GPC5: variants seen among roughly 807,000 people sequenced by gnomAD.
GPC5 encodes the protein glypican-5.
A neutral mutation model predicts 53.9 loss-of-function variants in GPC5; 47 were observed. The ratio of observed to expected loss-of-function variants is 0.87; its 90% confidence interval spans 0.69 to 1.11. The LOEUF (loss-of-function observed/expected upper bound fraction) is 1.11. Among genes scored for constraint, GPC5 ranks in the 50% most tolerant of loss-of-function variants. The pLI, the probability that GPC5 is intolerant of heterozygous loss-of-function variation, is 0.00. For missense variants in GPC5, 748 were observed against 713.1 expected (o/e 1.05, Z -0.56); for synonymous variants, 286 against 263.3 (o/e 1.09, Z -0.84).
At chr13:92,717,850 C>T (rs1244421362) in intron 7 of GPC5, among the ~76,000 whole-genome samples, 2 of 151,914 alleles carry the variant, frequency 1.3e-5, no homozygotes, top group African/African-American at 4.8e-5. Context: ...AAAATATTTG[C>T]CAACTATCCA....
chr13:92,539,454 G>T (rs553703927), intron 7 of GPC5, among the ~76,000 whole-genome samples: 2 of 152,002 alleles, frequency 1.3e-5, no homozygotes, highest in South Asian at 4.2e-4. Context: ...GTTTGTTGCC[G>T]CATAAATGTC....
chr13:92,044,426 A>T (rs2040965726), intron 6 of GPC5, among the ~76,000 whole-genome samples: 1 of 152,206 alleles, frequency 6.6e-6, no homozygotes, highest in South Asian at 2.1e-4. Flanking sequence ...CCATAGAATC[A>T]GAAGATGTCA....
chr13:92,276,733 T>G (rs995860288), intron 7 of GPC5, among the ~76,000 whole-genome samples: 2 of 152,134 alleles, frequency 1.3e-5, no homozygotes, highest in Non-Finnish European at 2.9e-5. Context: ...AGCCTTTTAT[T>G]ACTATACAAT....
At chr13:91,732,535 C>T (rs1315477866) in intron 4 of GPC5, among the ~76,000 whole-genome samples, 1 of 152,056 alleles carries the variant, frequency 6.6e-6, no homozygotes, top group Non-Finnish European at 1.5e-5. Flanking sequence ...AATTAGATCC[C>T]ATTTGTCAAT....
chr13:92,691,437 G>A (rs1386796567), intron 7 of GPC5, among the ~76,000 whole-genome samples: 7 of 146,720 alleles, frequency 4.8e-5, no homozygotes, highest in African/African-American at 1.0e-4. Flanking sequence ...CGCACGGTGC[G>A]CACACACACT....
Position 91,586,514 on chromosome 13 carries a change from A to G in GPC5, c.326-106673A>G, listed in dbSNP as rs1194952110. Among the ~76,000 whole-genome samples, 3 of 13,786 alleles carry G rather than the reference A, an allele frequency of 2.2e-4. 1 individual carries two copies. The highest frequency in any genetic ancestry group is 1.4e-3 in the Admixed American group (2 of 1,440). 9.0% of individuals were successfully genotyped at this position (13,786 alleles called of 152,430 possible). A position where few individuals can be genotyped will look rare whatever the true frequency, so the allele number is the denominator to read the frequency against. On this transcript the variant is annotated intron_variant, in intron 2 of 7. Coordinates refer to ENST00000377067, the MANE Select transcript of GPC5 (RefSeq NM_004466.6). ...AAGGCAGCAGGATATATATATATAT[A>G]TATATATATATATATATATATATAT...
chr13:92,270,003 A>G lies in GPC5; in HGVS notation c.1561+125014A>G, dbSNP rs114336458. On this transcript the variant is annotated intron_variant, in intron 7 of 7. Coordinates refer to ENST00000377067, the MANE Select transcript of GPC5 (RefSeq NM_004466.6). ...GATTTTGTCATGTGGAGACCCTTGT[A>G]CTTTTCTGATCCCAGCAAGCTCACA... Among the ~76,000 whole-genome samples the G allele has an allele frequency of 2.3e-3, 348 of 152,166 alleles. 1 individual carries two copies. The highest frequency in any genetic ancestry group is 8.1e-3 in the African/African-American group (335 of 41,530).
intron 7 of GPC5, chr13:92,659,140 G>A (rs1274410626): frequency 2.0e-5 from 3 of 150,722 alleles, no homozygotes; most frequent in Non-Finnish European, 4.4e-5. Flanking sequence ...GTTTTAGCCG[G>A]GATGGTCTCG....
At chr13:91,787,392 T>C (rs2037896519) in intron 5 of GPC5, among the ~76,000 whole-genome samples, 2 of 152,178 alleles carry the variant, frequency 1.3e-5, no homozygotes, top group South Asian at 4.1e-4. Flanking sequence ...TGAATAGATG[T>C]GGGATTTTTT....
chr13:91,559,469 A>C (rs915987997), intron 2 of GPC5, among the ~76,000 whole-genome samples: 1 of 152,162 alleles, frequency 6.6e-6, no homozygotes, highest in Non-Finnish European at 1.5e-5. Context: ...GATACTGCTA[A>C]AACTAAAAAC....
At chr13:92,710,051 T>C (rs2139267647) in intron 7 of GPC5, among the ~76,000 whole-genome samples, 1 of 152,342 alleles carries the variant, frequency 6.6e-6, no homozygotes, top group Non-Finnish European at 1.5e-5. Flanking sequence ...GAAATACCAC[T>C]GTGCAGAAAA....
intron 5 of GPC5, among the ~76,000 whole-genome samples, chr13:91,829,158 C>A (rs1459940303): frequency 1.3e-5 from 2 of 152,046 alleles, no homozygotes; most frequent in South Asian, 2.1e-4. Flanking sequence ...CTACACATGA[C>A]CTCTATGGCA....
intron 5 of GPC5, among the ~76,000 whole-genome samples, chr13:91,898,110 A>C (rs372715179): frequency 3.0e-4 from 46 of 152,302 alleles, no homozygotes; most frequent in African/African-American, 1.1e-3. Flanking sequence ...TCATGCAGGC[A>C]ATTTAACATC....
At chr13:92,329,627 A>G (rs2043275214) in intron 7 of GPC5, among the ~76,000 whole-genome samples, 1 of 152,186 alleles carries the variant, frequency 6.6e-6, no homozygotes, top group Non-Finnish European at 1.5e-5. Flanking sequence ...CTGCCACCAT[A>G]AGACAAAATT....
chr13:91,991,588 A>T (rs2040457030), intron 6 of GPC5, among the ~76,000 whole-genome samples: 1 of 152,070 alleles, frequency 6.6e-6, no homozygotes, highest in Non-Finnish European at 1.5e-5. Flanking sequence ...CTATACACAC[A>T]CTCACACACA....
chr13:92,375,197 T>C (rs1325493021), intron 7 of GPC5, among the ~76,000 whole-genome samples: 1 of 152,228 alleles, frequency 6.6e-6, no homozygotes. Flanking sequence ...GGAGCATCTT[T>C]GAAAGTTTTG....
chr13:91,932,693 G>A, intron 6 of GPC5, among the ~76,000 whole-genome samples: 2 of 151,834 alleles, frequency 1.3e-5, no homozygotes, highest in Admixed American at 1.3e-4. Flanking sequence ...TCCAATGCAT[G>A]CCTTTTTCTC....
At chr13:92,364,373 A>G (rs959136679) in intron 7 of GPC5, among the ~76,000 whole-genome samples, 7 of 151,820 alleles carry the variant, frequency 4.6e-5, no homozygotes, top group African/African-American at 1.5e-4. Flanking sequence ...GTCATAGAAG[A>G]CACTAAGTTC....
chr13:92,179,256 GA>G (rs1235967563), intron 7 of GPC5, among the ~76,000 whole-genome samples: 1 of 151,910 alleles, frequency 6.6e-6, no homozygotes, highest in Non-Finnish European at 1.5e-5. Flanking sequence ...CAATTAAAAG[GA>G]AAAAAATAAA....
Sources: gnomAD v4.1 joint callset for allele counts (sites outside exome capture counted in the v4.1 genomes callset) on GRCh38, gnomAD v4.1.1 for gene constraint, MANE v1.5 for transcripts, NCBI Gene and HGNC (gene_info 2026-07-23, HGNC 2026-07-21) for gene names.